Variants in TRRAP observed in about 807,000 individuals in gnomAD.
The protein encoded by TRRAP is transformation/transcription domain-associated protein.
Under a neutral mutation model 438.8 loss-of-function variants are expected in TRRAP, and 41 were observed. The ratio of observed to expected loss-of-function variants is 0.09; its 90% CI spans 0.07 to 0.12. TRRAP has a LOEUF of 0.12. Ranked by LOEUF, TRRAP falls within the 10% of genes least tolerant of loss-of-function variation. The pLI is 1.00. For missense variants in TRRAP, 3,122 were observed against 5,055.1 expected, an observed-to-expected ratio of 0.62 and a Z score of 11.60; for synonymous variants, 1,994 against 1,962.9, an observed-to-expected ratio of 1.02 and a Z score of -0.42.
At chr7:98,884,820 G>A (rs1795618990) in intron 3 of TRRAP, among the ~76,000 whole-genome samples, 2 of 152,154 alleles carry the variant, frequency 1.3e-5, no homozygotes, top group Non-Finnish European at 2.9e-5. Context: ...TGGTGGTCAT[G>A]GGGCTAAGCA....
At chr7:98,918,877 G>A (rs887992067) in intron 20 of TRRAP, among the ~76,000 whole-genome samples, 11 of 150,840 alleles carry the variant, frequency 7.3e-5, no homozygotes, top group Middle Eastern at 3.2e-3. Flanking sequence ...CCAACATGGC[G>A]AAACCCTGTC....
intron 1 of TRRAP, among the ~76,000 whole-genome samples, chr7:98,879,684 G>A (rs897839512): frequency 2.0e-5 from 3 of 152,190 alleles, no homozygotes; most frequent in Non-Finnish European, 2.9e-5. Context: ...AAACTCCCCC[G>A]CCTTGGTTTC....
chr7:98,881,610 A>G (rs74421232), intron 2 of TRRAP: 3,972 of 276,516 alleles, frequency 0.014, 147 homozygotes, highest in African/African-American at 0.081. Flanking sequence ...AATATGACAC[A>G]TTTATCTCAG....
chr7:98,910,733 G>T, intron 16 of TRRAP, 126 bp downstream of exon 16: 3 of 788,818 alleles, frequency 3.8e-6, no homozygotes, highest in Non-Finnish European at 5.9e-6. Context: ...TGTATACCCA[G>T]ATGTGTTTTG....
At chr7:98,969,376 CT>C (rs1425786120) in intron 51 of TRRAP, among the ~76,000 whole-genome samples, 1 of 152,318 alleles carries the variant, frequency 6.6e-6, no homozygotes, top group East Asian at 1.9e-4. Flanking sequence ...GCCACTCAGG[CT>C]AATGTGCAGC....
Position 98,961,483 on chromosome 7 carries a change from C to T in TRRAP, c.6703+9C>T. ...TTTCCCAACAGAGCCGAGTATGTGACCTTTCCCACCGGTGCTTTTCTTTCA... is the reference window on the plus strand; with the variant it reads ...TTTCCCAACAGAGCCGAGTATGTGATCTTTCCCACCGGTGCTTTTCTTTCA... On this transcript the variant is annotated intron_variant, in intron 46 of 72. Transcript: ENST00000456197. 2 of 1,612,530 alleles carry T rather than the reference C, an allele frequency of 1.2e-6. No individual in the cohort carries two copies. The highest frequency in any genetic ancestry group is 2.2e-5 in the East Asian group (1 of 44,846).
rs745868584 is a variant in TRRAP, at chr7:98,961,393, A to C, written c.6622A>C (p.Met2208Leu). 1.2e-6 allele frequency: 2 copies of C among 1,614,244 alleles called. No individual in the cohort carries two copies. The highest frequency in any genetic ancestry group is 2.2e-5 in the South Asian group (2 of 91,086). The change falls in exon 46 of 73, where the codon ATG (methionine) becomes CTG (leucine). Residue 2208 changes from methionine to leucine, a missense_variant. This residue lies in a region of TRRAP where 992 missense variants were observed against 1,281.2 expected (regional missense o/e 0.77). Transcript: ENST00000456197. ...KPLQRGIAAC[M>L]TCGNTKVLRA... ...TCTGCAGCGTGGAATTGCCGCCTGC[A>C]TGACATGTGGAAACACCAAGGTGTT...
intron 18 of TRRAP, 132 bp from the exon 19 acceptor site, chr7:98,915,591 T>A: frequency 8.8e-7 from 1 of 1,134,044 alleles, no homozygotes. Context: ...GCTTGTTTGG[T>A]TTTTTCCCTT....
chr7:98,984,482 G>A, intron 61 of TRRAP, 124 bp downstream of exon 61: 1 of 1,207,570 alleles, frequency 8.3e-7, no homozygotes, highest in African/African-American at 1.5e-5. Flanking sequence ...CACAAATACA[G>A]CCTCAGTAAG....
intron 45 of TRRAP, among the ~76,000 whole-genome samples, chr7:98,961,013 TTAA>T (rs1193470513): frequency 6.6e-6 from 1 of 152,236 alleles, no homozygotes; most frequent in African/African-American, 2.4e-5. Flanking sequence ...TTTCAAAATA[TTAA>T]TATTGTTTAT....
chr7:98,933,448 G>A (rs1790417459), intron 27 of TRRAP, 46 bp downstream of exon 27: 4 of 1,580,696 alleles, frequency 2.5e-6, no homozygotes, highest in Non-Finnish European at 3.4e-6. Context: ...GATGACGTGT[G>A]TCTGCTAGCC....
intron 22 of TRRAP, 115 bp downstream of exon 22, chr7:98,925,378 A>G (rs1670833746): frequency 1.4e-6 from 2 of 1,403,956 alleles, no homozygotes; most frequent in Middle Eastern, 2.6e-4. Flanking sequence ...AGTCCAGCAG[A>G]TGCCATATTA....
Position 98,890,439 on chromosome 7 carries a change from A to G in TRRAP, c.255A>G (p.Pro85=), listed in dbSNP as rs782633969. 1.9e-5 allele frequency: 30 copies of G among 1,580,930 alleles called. 1 individual carries two copies. The South Asian group carries it at 3.3e-4, about 17-fold the overall frequency. ...AAGTTCAGTTTCTTCAGGAGAAACC[A>G]GCACAGGTAATGTAAAAAAATAACA... ...DGEVQFLQEK[P]AQQLRKLVLE... is the part of the protein sequence containing the mutation. The change falls in exon 4 of 73, where the codon CCA becomes CCG. Residue 85 remains proline (P), a synonymous_variant. Coordinates refer to ENST00000456197, the MANE Select transcript of TRRAP (RefSeq NM_001375524.1).
chr7:99,008,311 CGGT>C, intron 69 of TRRAP, 63 bp from the exon 70 acceptor site: 1 of 1,519,036 alleles, frequency 6.6e-7, no homozygotes, highest in Non-Finnish European at 9.0e-7. Context: ...GGCACTCTGA[CGGT>C]GGAGCTGAGC....
chr7:98,954,684 G>A (rs1392000283), intron 40 of TRRAP, among the ~76,000 whole-genome samples: 3 of 152,172 alleles, frequency 2.0e-5, no homozygotes, highest in African/African-American at 4.8e-5. Flanking sequence ...TCACATCGGG[G>A]CCTCACCTCT....
intron 3 of TRRAP, among the ~76,000 whole-genome samples, chr7:98,890,103 G>A (rs1033135801): frequency 2.0e-5 from 3 of 152,146 alleles, no homozygotes; most frequent in Non-Finnish European, 2.9e-5. Flanking sequence ...TTTCCCAAAG[G>A]ATTGGTATTT....
intron 67 of TRRAP, among the ~76,000 whole-genome samples, chr7:99,000,143 G>T (rs960208651): frequency 6.6e-6 from 1 of 152,102 alleles, no homozygotes; most frequent in African/African-American, 2.4e-5. Flanking sequence ...GAGTAGCTGG[G>T]ATTACAGGTG....
At position 98,910,436 on chromosome 7, in the gene TRRAP, G is replaced by A. The variant is rs1554408544; in HGVS notation, c.1714+17G>A. 1.2e-6 allele frequency: 2 copies of A among 1,611,566 alleles called. No homozygotes were observed. Among genetic ancestry groups the A allele is most frequent in the Non-Finnish European group, 1.7e-6 (2 of 1,179,804 alleles). ...CACCTGGTGGTAATTCTGCTCTTCA[G>A]TTATGTAGACAAACAATAGTTTTCA... On this transcript the variant is annotated intron_variant, in intron 15 of 72. Coordinates refer to ENST00000456197, the MANE Select transcript of TRRAP (RefSeq NM_001375524.1).
chr7:98,980,723 T>C (rs1584388461), intron 58 of TRRAP, among the ~76,000 whole-genome samples: 1 of 152,318 alleles, frequency 6.6e-6, no homozygotes, highest in East Asian at 1.9e-4. Context: ...CGGTTTAATT[T>C]CCCAGGATAA....
Sources: gnomAD v4.1 joint callset for allele counts (sites outside exome capture counted in the v4.1 genomes callset) on GRCh38, gnomAD v4.1.1 for gene constraint, gnomAD v4.1.1 regional missense constraint, MANE v1.5 for transcripts, NCBI Gene and HGNC (gene_info 2026-07-23, HGNC 2026-07-21) for gene names.